MAP3K3: variants seen among roughly 807,000 people sequenced by gnomAD.
MAP3K3 encodes MAP/ERK kinase kinase 3.
MAP3K3 carries 12 observed loss-of-function variants against 80.9 expected under a neutral mutation model. That is an observed-to-expected ratio of 0.15 (90% confidence interval 0.10 to 0.24). The LOEUF (loss-of-function observed/expected upper bound fraction) is 0.24, where lower values mean the gene tolerates loss of function less well. MAP3K3 is among the 10% of genes least tolerant of loss of function. The probability of loss-of-function intolerance (pLI) is 1.00; values close to 1 mark genes in which losing one functional copy is unlikely to be tolerated. For synonymous variants in MAP3K3, 272 were observed against 307.1 expected (o/e 0.89, Z 1.19); for missense variants, 596 against 834.7 (o/e 0.71, Z 3.52).
At chr17:63,682,050 G>A in intron 7 of MAP3K3, 151 bp downstream of exon 7, 3 of 623,474 alleles carry the variant, frequency 4.8e-6, no homozygotes, top group Non-Finnish European at 7.1e-6. Context: ...AATATGGATT[G>A]TCCCTTTTTA....
At chr17:63,629,350 C>T (rs968504492) in intron 1 of MAP3K3, among the ~76,000 whole-genome samples, 3 of 152,154 alleles carry the variant, frequency 2.0e-5, no homozygotes, top group Non-Finnish European at 4.4e-5. Context: ...GTTTCGAACT[C>T]CTGACCTCAA....
At chr17:63,673,530 G>C (rs997831902) in intron 6 of MAP3K3, among the ~76,000 whole-genome samples, 7 of 152,146 alleles carry the variant, frequency 4.6e-5, no homozygotes, top group Non-Finnish European at 7.3e-5. Context: ...TTGGCCTACG[G>C]AAATTCTACC....
chr17:63,686,992 T>C (rs968003532), intron 8 of MAP3K3, among the ~76,000 whole-genome samples: 2 of 152,006 alleles, frequency 1.3e-5, no homozygotes, highest in Admixed American at 1.3e-4. Context: ...ATCTCCAAAA[T>C]GGGATGGTGA....
chr17:63,679,669 G>T (rs1439756756), intron 6 of MAP3K3, among the ~76,000 whole-genome samples: 1 of 151,914 alleles, frequency 6.6e-6, no homozygotes, highest in East Asian at 1.9e-4. Context: ...GTAGAGATGG[G>T]GTCTCACCAT....
At chr17:63,658,564 A>G (rs75476436) in intron 5 of MAP3K3, among the ~76,000 whole-genome samples, 207 of 152,098 alleles carry the variant, frequency 1.4e-3, no homozygotes, top group African/African-American at 4.8e-3. Context: ...TTCTTCTACC[A>G]GTTTTCTTCA....
At chr17:63,622,910 C>G (rs1285344663) in intron 1 of MAP3K3, 147 bp downstream of exon 1, 1 of 147,050 alleles carries the variant, frequency 6.8e-6, no homozygotes, top group African/African-American at 2.5e-5. Context: ...GGCCGGCCGC[C>G]CGCCCCGCTC....
chr17:63,631,095 T>C (rs942525809), intron 1 of MAP3K3, among the ~76,000 whole-genome samples: 3 of 152,148 alleles, frequency 2.0e-5, no homozygotes, highest in Admixed American at 2.0e-4. Context: ...GAAATCAGCC[T>C]GGGCAACATG....
rs745348368 is a variant in MAP3K3 at position 63,691,774 on chromosome 17, A to C, written c.1386A>C (p.Thr462=). The part of the protein sequence containing the change: ...KDQLKAYGAL[T]ESVTRKYTRQ... ...AGTTGAAGGCTTACGGTGCTCTGAC[A>C]GAGAGCGTGACCCGAAAGTACACGC... is the stretch of plus-strand genomic sequence containing the variant. The change falls in exon 14 of 16, where the codon ACA becomes ACC. Residue 462 remains threonine, a synonymous_variant. Transcript: ENST00000361733. This position sits in a 1 kb window ranked among gnomAD's most constrained non-coding sequence, Gnocchi z 4.8. The C allele has an allele frequency of 7.4e-6, 12 of 1,614,012 alleles. No homozygotes were observed. Among genetic ancestry groups the C allele is most frequent in the South Asian group, 1.1e-5 (1 of 91,082 alleles).
intron 1 of MAP3K3, 36 bp from the exon 2 acceptor site, chr17:63,632,645 T>A (rs2143177553): frequency 6.2e-7 from 1 of 1,612,168 alleles, no homozygotes; most frequent in African/African-American, 1.3e-5. Flanking sequence ...GGTCTGTATT[T>A]AAGTGTCTTA....
intron 6 of MAP3K3, among the ~76,000 whole-genome samples, chr17:63,680,672 A>G (rs2035312082): frequency 6.6e-6 from 1 of 152,142 alleles, no homozygotes; most frequent in African/African-American, 2.4e-5. Flanking sequence ...AAGACTGCAC[A>G]CCTCTGTCAT....
chr17:63,638,509 G>T (rs541784517), intron 2 of MAP3K3, among the ~76,000 whole-genome samples: 3 of 152,158 alleles, frequency 2.0e-5, no homozygotes, highest in Non-Finnish European at 4.4e-5. Context: ...TTCTGCTTTA[G>T]TGTTATTGTC....
intron 2 of MAP3K3, chr17:63,636,922 C>G (rs145164453): frequency 7.7e-6 from 4 of 517,374 alleles, no homozygotes; most frequent in Non-Finnish European, 1.5e-5. Flanking sequence ...GGCCTGTATG[C>G]GCTTCATCCA....
intron 4 of MAP3K3, among the ~76,000 whole-genome samples, chr17:63,654,887 T>C (rs1489693962): frequency 1.3e-5 from 2 of 151,906 alleles, no homozygotes; most frequent in African/African-American, 2.4e-5. Context: ...GATATAAAAA[T>C]TAGCTGGGCA....
rs183437160 is a variant in MAP3K3 at position 63,628,804 on chromosome 17, A to G, written c.5-3877A>G. On this transcript the variant is annotated intron_variant, in intron 1 of 15. Coordinates refer to ENST00000361733, the MANE Select transcript of MAP3K3 (RefSeq NM_002401.5). Reference sequence around the variant, plus strand: ...TTCAGTAAATTGTTGTTAATGATTTATAAAAGTTCAGTAATAAAATTAAGT... The same window carrying G: ...TTCAGTAAATTGTTGTTAATGATTTGTAAAAGTTCAGTAATAAAATTAAGT... Among the ~76,000 whole-genome samples the G allele has an allele frequency of 3.9e-5, 6 of 152,354 alleles. No homozygotes were observed. In the East Asian group the frequency reaches 1.2e-3, roughly 29 times the overall value.
intron 6 of MAP3K3, 136 bp from the exon 7 acceptor site, chr17:63,681,630 C>A: frequency 1.4e-6 from 1 of 708,564 alleles, no homozygotes; most frequent in Non-Finnish European, 2.1e-6. Flanking sequence ...GGAGCTGGCA[C>A]ATGCTGGACG....
At chr17:63,664,649 C>G (rs2034964455) in intron 5 of MAP3K3, among the ~76,000 whole-genome samples, 1 of 152,106 alleles carries the variant, frequency 6.6e-6, no homozygotes, top group Non-Finnish European at 1.5e-5. Context: ...TTGTGTTAGC[C>G]ACAGCTAACT....
At chr17:63,688,618 G>A in intron 9 of MAP3K3, 24 bp downstream of exon 9, 1 of 1,606,380 alleles carries the variant, frequency 6.2e-7, no homozygotes, top group Non-Finnish European at 8.5e-7. Context: ...AGCCTGGGTG[G>A]GTAATGCAGG....
intron 4 of MAP3K3, among the ~76,000 whole-genome samples, chr17:63,656,195 A>T (rs1318378077): frequency 6.6e-6 from 1 of 151,884 alleles, no homozygotes; most frequent in East Asian, 1.9e-4. Context: ...GTGCCACTGC[A>T]CTCCAGCCTG....
At chr17:63,671,498 C>T (rs141882631) in intron 6 of MAP3K3, among the ~76,000 whole-genome samples, 94 of 152,178 alleles carry the variant, frequency 6.2e-4, no homozygotes, top group Middle Eastern at 3.4e-3. Flanking sequence ...TTGTGATCCA[C>T]CTGCCTCAGC....
Sources: gnomAD v4.1 joint callset for allele counts (sites outside exome capture counted in the v4.1 genomes callset) on GRCh38, gnomAD v4.1.1 for gene constraint, Gnocchi (gnomAD v3.1) non-coding constraint, MANE v1.5 for transcripts, NCBI Gene and HGNC (gene_info 2026-07-23, HGNC 2026-07-21) for gene names.